ERBB4: variants seen among roughly 807,000 people sequenced by gnomAD.
ERBB4 encodes the protein receptor tyrosine-protein kinase erbB-4.
A neutral mutation model predicts 158.0 loss-of-function variants in ERBB4; 42 were observed. That is an observed-to-expected ratio of 0.27 (90% CI 0.21 to 0.34). The LOEUF (loss-of-function observed/expected upper bound fraction) is 0.34. Ranked by LOEUF, ERBB4 falls within the 10% of genes least tolerant of loss-of-function variation. The pLI is 1.00. For synonymous variants in ERBB4, 583 were observed against 558.7 expected (o/e 1.04, Z -0.61); for missense variants, 1,333 against 1,624.1 (o/e 0.82, Z 3.08).
At chr2:211,789,541 T>C (rs752502933) in intron 3 of ERBB4, among the ~76,000 whole-genome samples, 2 of 152,192 alleles carry the variant, frequency 1.3e-5, no homozygotes, top group African/African-American at 2.4e-5. Flanking sequence ...TTGAGGATTA[T>C]GTCTGCATTT....
At chr2:211,515,905 T>TATATATATATATATATATATATATAC (rs1559248803) in intron 20 of ERBB4, among the ~76,000 whole-genome samples, 3 of 91,078 alleles carry the variant, frequency 3.3e-5, no homozygotes, top group African/African-American at 1.7e-4. Context: ...ATTATATATA[T>TATATATATATATATATATATATATAC]ATATATATTT....
intron 1 of ERBB4, among the ~76,000 whole-genome samples, chr2:212,510,323 C>G (rs961249361): frequency 2.7e-5 from 4 of 150,758 alleles, no homozygotes; most frequent in African/African-American, 9.7e-5. Flanking sequence ...CAGAAGGCTA[C>G]ATGTTTATAT....
At chr2:211,623,723 C>T (rs2069725030) in intron 18 of ERBB4, among the ~76,000 whole-genome samples, 199 bp downstream of exon 18, 1 of 152,102 alleles carries the variant, frequency 6.6e-6, no homozygotes, top group Non-Finnish European at 1.5e-5. Context: ...TTGCTTTTCT[C>T]TCAAGACTGT....
chr2:211,411,511 T>G (rs2063262317), intron 25 of ERBB4, among the ~76,000 whole-genome samples: 1 of 152,160 alleles, frequency 6.6e-6, no homozygotes, highest in African/African-American at 2.4e-5. Context: ...GAGGAGCTCT[T>G]TCTTAAAATA....
intron 20 of ERBB4, among the ~76,000 whole-genome samples, chr2:211,465,250 T>C (rs761195447): frequency 2.6e-5 from 4 of 151,528 alleles, no homozygotes; most frequent in Admixed American, 2.6e-4. Flanking sequence ...TGAGAGGCTA[T>C]CTTGAATATT....
chr2:212,443,772 AT>A (rs1294846683), intron 1 of ERBB4, among the ~76,000 whole-genome samples: 1 of 152,190 alleles, frequency 6.6e-6, no homozygotes, highest in Non-Finnish European at 1.5e-5. Flanking sequence ...CCATAGGTGA[AT>A]CACAGCAGAG....
At chr2:212,295,221 T>C (rs2086366960) in intron 1 of ERBB4, among the ~76,000 whole-genome samples, 1 of 152,050 alleles carries the variant, frequency 6.6e-6, no homozygotes, top group South Asian at 2.1e-4. Context: ...ATTTACATAA[T>C]AGAACTCTTT....
At chr2:211,902,581 T>TG (rs1316503466) in intron 3 of ERBB4, among the ~76,000 whole-genome samples, 2 of 151,890 alleles carry the variant, frequency 1.3e-5, no homozygotes, top group African/African-American at 4.8e-5. Context: ...TTTTCTAGAA[T>TG]GAGTTTTGAT....
intron 16 of ERBB4, among the ~76,000 whole-genome samples, chr2:211,647,546 C>A (rs2070820797): frequency 6.6e-6 from 1 of 151,620 alleles, no homozygotes; most frequent in South Asian, 2.1e-4. Flanking sequence ...ATGTTACCCC[C>A]ATCCATCCAA....
rs1256202579 is a variant in ERBB4, at chr2:212,325,012, G to A, written c.83-200109C>T. On this transcript the variant is annotated intron_variant, in intron 1 of 27. Coordinates refer to ENST00000342788, the MANE Select transcript of ERBB4 (RefSeq NM_005235.3). Reference sequence around the variant, plus strand: ...CAGGCCAATAAGTAAAATATTACAAGCAACCCAAAAAAAAACTCTAGGCCT... The same window carrying A: ...CAGGCCAATAAGTAAAATATTACAAACAACCCAAAAAAAAACTCTAGGCCT... 2.7e-5 allele frequency among the ~76,000 whole-genome samples: 2 copies of A among 73,954 alleles called. 1 individual carries two copies. Among genetic ancestry groups the A allele is most frequent in the Non-Finnish European group, 7.3e-5 (2 of 27,522 alleles). 48.5% of individuals were successfully genotyped at this position (73,954 alleles called of 152,430 possible).
chr2:212,051,473 A>C (rs886634065), intron 2 of ERBB4, among the ~76,000 whole-genome samples: 1 of 152,176 alleles, frequency 6.6e-6, no homozygotes, highest in African/African-American at 2.4e-5. Flanking sequence ...CATTTAAAGA[A>C]TAATTTTTAG....
At chr2:211,698,422 T>A (rs1032684364) in intron 12 of ERBB4, among the ~76,000 whole-genome samples, 6 of 151,878 alleles carry the variant, frequency 4.0e-5, no homozygotes, top group Non-Finnish European at 7.4e-5. Context: ...CTGAATGGTA[T>A]TTAAATAGAA....
chr2:211,519,496 C>T (rs1445637512), intron 20 of ERBB4, among the ~76,000 whole-genome samples: 1 of 152,020 alleles, frequency 6.6e-6, no homozygotes. Context: ...TACTGCAGTG[C>T]AGATCCAGAC....
At chr2:212,298,040 T>C (rs1397315287) in intron 1 of ERBB4, among the ~76,000 whole-genome samples, 2 of 151,832 alleles carry the variant, frequency 1.3e-5, no homozygotes, top group Non-Finnish European at 2.9e-5. Context: ...TTGTTTGAAA[T>C]GTAAAATATT....
At chr2:211,776,151 T>C (rs1453389446) in intron 4 of ERBB4, among the ~76,000 whole-genome samples, 1 of 152,184 alleles carries the variant, frequency 6.6e-6, no homozygotes, top group African/African-American at 2.4e-5. Flanking sequence ...CTATTGTGTC[T>C]TCAGGGTATT....
chr2:211,713,759 T>TTATG (rs1316396906), intron 7 of ERBB4, 111 bp from the exon 8 acceptor site: 1 of 694,832 alleles, frequency 1.4e-6, no homozygotes, highest in African/African-American at 1.8e-5. Context: ...TTGATAGTGT[T>TTATG]TATGTATCTT....
At chr2:211,436,759 G>A (rs909296564) in intron 20 of ERBB4, among the ~76,000 whole-genome samples, 2 of 152,142 alleles carry the variant, frequency 1.3e-5, no homozygotes, top group African/African-American at 2.4e-5. Flanking sequence ...CATGATTAAT[G>A]TGTGAATACA....
At chr2:211,714,860 C>A (rs1339331651) in intron 7 of ERBB4, among the ~76,000 whole-genome samples, 1 of 152,164 alleles carries the variant, frequency 6.6e-6, no homozygotes, top group East Asian at 1.9e-4. Flanking sequence ...ACTGCATAAG[C>A]AAATGGTTAA....
chr2:211,552,664 A>T (rs1024535278), intron 20 of ERBB4, among the ~76,000 whole-genome samples: 4 of 152,152 alleles, frequency 2.6e-5, no homozygotes, highest in Non-Finnish European at 1.5e-5. Context: ...AGCTCTGAGG[A>T]AGGTTTTAGG....
Sources: allele counts gnomAD v4.1 joint callset (sites outside exome capture counted in the v4.1 genomes callset), GRCh38; gene constraint gnomAD v4.1.1; transcripts MANE v1.5; gene names NCBI Gene and HGNC (gene_info 2026-07-23, HGNC 2026-07-21).